The following DMBT1 variants were observed in gnomAD, a reference collection of about 807,000 sequenced individuals.
DMBT1 encodes the protein deleted in malignant brain tumors 1, also known as scavenger receptor cysteine-rich domain-containing protein DMBT1.
Under a neutral mutation model 252.9 loss-of-function variants are expected in DMBT1, and 198 were observed. That is an observed-to-expected ratio of 0.78 (90% CI 0.70 to 0.88). DMBT1 has a LOEUF of 0.88. Among genes scored for constraint, DMBT1 ranks in the 40% least tolerant of loss-of-function variants. The pLI, the probability that DMBT1 is intolerant of heterozygous loss-of-function variation, is 0.00. For synonymous variants in DMBT1, 990 were observed against 942.7 expected, an observed-to-expected ratio of 1.05 and a Z score of -0.92; for missense variants, 2,432 against 2,404.7, an observed-to-expected ratio of 1.01 and a Z score of -0.24.
At chr10:122,641,898 C>T (rs1844604362) in intron 55 of DMBT1, among the ~76,000 whole-genome samples, 1 of 152,150 alleles carries the variant, frequency 6.6e-6, no homozygotes, top group Non-Finnish European at 1.5e-5. Context: ...TCCAAACACA[C>T]CCTGCCCAGG....
chr10:122,630,221 A>G, intron 47 of DMBT1, 67 bp from the exon 48 acceptor site: 1 of 1,531,518 alleles, frequency 6.5e-7, no homozygotes, highest in South Asian at 1.1e-5. Flanking sequence ...GTAAAGTGCA[A>G]ACTATTTATA....
chr10:122,635,344 A>G (rs995482064), intron 52 of DMBT1, among the ~76,000 whole-genome samples: 2 of 152,164 alleles, frequency 1.3e-5, no homozygotes, highest in African/African-American at 4.8e-5. Flanking sequence ...CTGTGGGGGC[A>G]CTAGGGACTT....
chr10:122,632,746 C>T, intron 50 of DMBT1, 115 bp from the exon 51 acceptor site: 1 of 1,399,380 alleles, frequency 7.1e-7, no homozygotes, highest in Non-Finnish European at 9.9e-7. Flanking sequence ...AGGCCTGTGT[C>T]CAGCTCCTCC....
intron 5 of DMBT1, 143 bp downstream of exon 5, chr10:122,572,504 C>T: frequency 1.7e-6 from 2 of 1,172,096 alleles, no homozygotes; most frequent in Non-Finnish European, 2.5e-6. Context: ...TCACCTTGTG[C>T]TGTGTATGTG....
intron 53 of DMBT1, 44 bp from the exon 54 acceptor site, chr10:122,637,084 G>A (rs2098232861): frequency 6.3e-7 from 1 of 1,582,060 alleles, no homozygotes; most frequent in African/African-American, 1.3e-5. Context: ...GACTTGTGGA[G>A]TCTGGGGCAG....
intron 41 of DMBT1, among the ~76,000 whole-genome samples, chr10:122,618,895 A>G (rs1183133021): frequency 6.6e-6 from 1 of 152,218 alleles, no homozygotes; most frequent in Non-Finnish European, 1.5e-5. Flanking sequence ...CCTGTGCCCC[A>G]GGTCTGGTGT....
chr10:122,634,490 T>C (rs2684747), intron 52 of DMBT1, among the ~76,000 whole-genome samples: 63,967 of 130,666 alleles, frequency 0.49, 18,361 homozygotes, highest in African/African-American at 0.76. Flanking sequence ...CTTTCTCTCT[T>C]TTTCTTTCTT....
intron 11 of DMBT1, 27 bp downstream of exon 11, chr10:122,580,922 A>T (rs1440314733): frequency 1.9e-6 from 3 of 1,612,940 alleles, no homozygotes; most frequent in Non-Finnish European, 2.5e-6. Context: ...CTTCCTCAAA[A>T]TGTCCCTTCT....
In DMBT1 at chr10:122,636,152, G is replaced by C. The variant is rs762236735; in HGVS notation, c.6710G>C (p.Arg2237Thr). The C allele has an allele frequency of 6.2e-7, 1 of 1,613,886 alleles. No individual in the cohort carries two copies. The highest frequency in any genetic ancestry group is 1.3e-5 in the African/African-American group (1 of 74,934). Residue 2237 changes from arginine (R) to threonine (T), a missense_variant, in exon 53 of 56, where the codon AGA becomes ACA. By Grantham distance (71) the Arg-to-Thr change is moderately conservative. Coordinates refer to ENST00000338354, the MANE Select transcript of DMBT1 (RefSeq NM_001377530.1). The part of the protein sequence containing the change: ...RFISDHSITR[R>T]GFRAEYYSSP... ...ATCAGTGACCACAGCATCACAAGGA[G>C]AGGGTTCCGGGCTGAGTACTACTCC... is the stretch of plus-strand genomic sequence containing the variant.
At position 122,619,481 on chromosome 10, in the gene DMBT1, C is replaced by T. The variant is rs950998259; in HGVS notation, c.5245+144C>T. 162 of 1,062,958 alleles carry T rather than the reference C, an allele frequency of 1.5e-4. No homozygotes were observed. In the African/African-American group the frequency reaches 2.2e-3, roughly 14 times the overall value. 65.8% of individuals were successfully genotyped at this position (1,062,958 alleles called of 1,614,324 possible). A position where few individuals can be genotyped will look rare whatever the true frequency, so the allele number is the denominator to read the frequency against. The stretch of plus-strand genomic sequence containing the variant: ...CTCCCACCACTCTGTAACTGAGACC[C>T]CAGCATAGTGCTTCAACAGACATAG... On this transcript the variant is annotated intron_variant, in intron 42 of 55. Coordinates refer to ENST00000338354, the MANE Select transcript of DMBT1 (RefSeq NM_001377530.1).
chr10:122,575,112 G>A (rs984296812), intron 6 of DMBT1, among the ~76,000 whole-genome samples: 1 of 152,208 alleles, frequency 6.6e-6, no homozygotes, highest in African/African-American at 2.4e-5. Flanking sequence ...ACTTAAAGGG[G>A]AATATTAGAA....
chr10:122,568,760 G>A (rs768387940), intron 2 of DMBT1, among the ~76,000 whole-genome samples: 3 of 152,214 alleles, frequency 2.0e-5, no homozygotes, highest in Non-Finnish European at 4.4e-5. Context: ...GCCCTGGGCG[G>A]GGCCCACTTT....
At position 122,562,533 on chromosome 10, in the gene DMBT1, C is replaced by T. The variant is rs1039174333; in HGVS notation, c.61+1702C>T. Among the ~76,000 whole-genome samples the T allele has an allele frequency of 7.9e-5, 12 of 152,354 alleles. No individual in the cohort carries two copies. The East Asian group carries it at 1.4e-3, about 17-fold the overall frequency. On this transcript the variant is annotated intron_variant, in intron 1 of 55. Transcript: ENST00000338354. ...AGAAGCATCTGAAACTGGGAGGCTG[C>T]GTCCTCAGCCCCAGCTCTTGTCAGT...
chr10:122,631,748 C>G, intron 49 of DMBT1, 107 bp from the exon 50 acceptor site: 1 of 1,290,810 alleles, frequency 7.7e-7, no homozygotes, highest in South Asian at 1.3e-5. Context: ...GGACCCTCGC[C>G]GAGGGGGGTC....
intron 2 of DMBT1, among the ~76,000 whole-genome samples, 155 bp downstream of exon 2, chr10:122,566,151 A>G (rs1267576096): frequency 6.6e-6 from 1 of 152,178 alleles, no homozygotes; most frequent in Non-Finnish European, 1.5e-5. Flanking sequence ...CGTGCGTGCC[A>G]AGACCTGGGG....
chr10:122,637,444 A>G, intron 54 of DMBT1, 132 bp downstream of exon 54: 1 of 1,096,260 alleles, frequency 9.1e-7, no homozygotes, highest in South Asian at 1.7e-5. Flanking sequence ...GGAATAAAGG[A>G]AGATAAAAAA....
intron 44 of DMBT1, among the ~76,000 whole-genome samples, chr10:122,623,548 G>T (rs999657122): frequency 5.3e-5 from 8 of 152,122 alleles, no homozygotes; most frequent in African/African-American, 1.9e-4. Flanking sequence ...TGATTCCTCC[G>T]TATCCTCACC....
intron 1 of DMBT1, among the ~76,000 whole-genome samples, chr10:122,562,317 G>C (rs1020117255): frequency 6.6e-6 from 1 of 152,130 alleles, no homozygotes; most frequent in African/African-American, 2.4e-5. Context: ...AGGCTCAGTG[G>C]GGGAAGCTTT....
At chr10:122,563,780 A>G (rs1319384629) in intron 1 of DMBT1, among the ~76,000 whole-genome samples, 1 of 152,142 alleles carries the variant, frequency 6.6e-6, no homozygotes. Flanking sequence ...GAACAACTTC[A>G]ATGTGGTGTT....
Sources: gnomAD v4.1 joint callset for allele counts (sites outside exome capture counted in the v4.1 genomes callset) on GRCh38, gnomAD v4.1.1 for gene constraint, MANE v1.5 for transcripts, NCBI Gene and HGNC (gene_info 2026-07-23, HGNC 2026-07-21) for gene names.